Variants in MPP7 observed in about 807,000 individuals in gnomAD.
The protein encoded by MPP7 is MAGUK p55 subfamily member 7.
Under a neutral mutation model 76.5 loss-of-function variants are expected in MPP7, and 60 were observed. That is an observed-to-expected ratio of 0.78 (90% confidence interval 0.64 to 0.97). The LOEUF (loss-of-function observed/expected upper bound fraction) is 0.97, where lower values mean the gene tolerates loss of function less well. MPP7 is among the 50% of genes least tolerant of loss of function. The pLI, the probability that MPP7 is intolerant of heterozygous loss-of-function variation, is 0.00. For synonymous variants in MPP7, 237 were observed against 244.5 expected, an observed-to-expected ratio of 0.97 and a Z score of 0.29; for missense variants, 641 against 694.0, an observed-to-expected ratio of 0.92 and a Z score of 0.86.
intron 1 of MPP7, among the ~76,000 whole-genome samples, chr10:28,251,475 AAAAAT>A (rs1839611955): frequency 1.3e-5 from 2 of 152,330 alleles, no homozygotes; most frequent in Admixed American, 6.5e-5. Context: ...AAAAAATTAA[AAAAAT>A]AAAATAAAAT....
chr10:28,322,217 T>C (rs1323568250), intron 2 of MPP7, among the ~76,000 whole-genome samples: 1 of 151,996 alleles, frequency 6.6e-6, no homozygotes, highest in Non-Finnish European at 1.5e-5. Context: ...AGAGATCAAG[T>C]ACAGGTGGAG....
chr10:28,172,113 GAGA>G (rs1466695254), intron 3 of MPP7, among the ~76,000 whole-genome samples: 1 of 152,210 alleles, frequency 6.6e-6, no homozygotes. Flanking sequence ...TTGGCCTACG[GAGA>G]AGGACGATGT....
chr10:28,238,737 T>C lies in MPP7; in HGVS notation c.-131-2A>G, dbSNP rs1839164388. ...ATCTGTATATTTTGTAAGCCGTTTC[T>C]AGAAAGGAAAGAAACATTTATATTT... is the stretch of plus-strand genomic sequence containing the variant. On this transcript the variant is annotated splice_acceptor_variant, in intron 1 of 16. Coordinates refer to ENST00000683449, the MANE Select transcript of MPP7 (RefSeq NM_001318170.2). LOFTEE classifies it low-confidence loss of function (5UTR_SPLICE). The C allele has an allele frequency of 1.2e-6, 1 of 814,814 alleles. No individual in the cohort carries two copies. The highest frequency in any genetic ancestry group is 1.6e-5 in the South Asian group (1 of 62,006). 50.5% of individuals were successfully genotyped at this position (814,814 alleles called of 1,614,324 possible). A position where few individuals can be genotyped will look rare whatever the true frequency, so the allele number is the denominator to read the frequency against.
intron 1 of MPP7, among the ~76,000 whole-genome samples, chr10:28,245,102 T>C (rs560859380): frequency 6.6e-6 from 1 of 152,204 alleles, no homozygotes; most frequent in East Asian, 1.9e-4. Flanking sequence ...AAGTCTTGGC[T>C]AAATCTTCAA....
intron 2 of MPP7, among the ~76,000 whole-genome samples, chr10:28,222,596 G>A (rs1441022902): frequency 1.3e-5 from 2 of 152,142 alleles, no homozygotes; most frequent in African/African-American, 4.8e-5. Context: ...GTTCACGCCT[G>A]TAATCCCAGC....
At chr10:28,054,444 G>T (rs1851474504) in intron 16 of MPP7, among the ~76,000 whole-genome samples, 200 bp from the exon 17 acceptor site, 1 of 151,948 alleles carries the variant, frequency 6.6e-6, no homozygotes, top group African/African-American at 2.4e-5. Context: ...TGATTTGCTT[G>T]TAACAAAAAA....
At chr10:28,164,113 C>G (rs1367066295) in intron 3 of MPP7, among the ~76,000 whole-genome samples, 2 of 151,918 alleles carry the variant, frequency 1.3e-5, no homozygotes, top group Non-Finnish European at 1.5e-5. Context: ...AAAGAAAGAT[C>G]GAGACCGAAG....
chr10:28,257,687 T>C (rs546375908), intron 1 of MPP7, among the ~76,000 whole-genome samples: 1 of 150,528 alleles, frequency 6.6e-6, no homozygotes, highest in Non-Finnish European at 1.5e-5. Flanking sequence ...ATGGCACATG[T>C]ATACACATGT....
chr10:28,099,595 G>T (rs1194187853), intron 11 of MPP7, among the ~76,000 whole-genome samples: 2 of 151,946 alleles, frequency 1.3e-5, no homozygotes, highest in Non-Finnish European at 2.9e-5. Flanking sequence ...ACCTGAGGTC[G>T]GGAGTTCGAG....
intron 12 of MPP7, among the ~76,000 whole-genome samples, chr10:28,073,898 G>A (rs540624409): frequency 6.6e-6 from 1 of 152,152 alleles, no homozygotes; most frequent in African/African-American, 2.4e-5. Context: ...TTCAGAGCTT[G>A]GCTCAAACAG....
At chr10:28,293,268 C>T (rs1479933403) in intron 1 of MPP7, among the ~76,000 whole-genome samples, 1 of 152,134 alleles carries the variant, frequency 6.6e-6, no homozygotes, top group Non-Finnish European at 1.5e-5. Context: ...AAATGGCGAA[C>T]TCAACCGAGG....
At chr10:28,226,138 A>G (rs1838680511) in intron 2 of MPP7, among the ~76,000 whole-genome samples, 1 of 152,248 alleles carries the variant, frequency 6.6e-6, no homozygotes, top group Non-Finnish European at 1.5e-5. Flanking sequence ...GTCAGTGAAG[A>G]AAAAAGGCAA....
chr10:28,096,326 A>G (rs1432860146), intron 11 of MPP7, among the ~76,000 whole-genome samples: 1 of 152,180 alleles, frequency 6.6e-6, no homozygotes, highest in Non-Finnish European at 1.5e-5. Context: ...AAGGACTTCT[A>G]ATCTCTTCTT....
intron 3 of MPP7, among the ~76,000 whole-genome samples, chr10:28,169,154 T>G (rs953566607): frequency 6.6e-6 from 1 of 152,022 alleles, no homozygotes; most frequent in African/African-American, 2.4e-5. Context: ...GGTTGGCTTG[T>G]GGTGACACTT....
intron 2 of MPP7, among the ~76,000 whole-genome samples, chr10:28,206,893 T>C (rs529727400): frequency 9.2e-5 from 14 of 152,300 alleles, no homozygotes; most frequent in African/African-American, 3.4e-4. Flanking sequence ...AATAATTAAA[T>C]CTGGCTTAAA....
rs191087954 is a variant in MPP7, at chr10:28,124,769, C to T, written c.529+241G>A. On this transcript the variant is annotated intron_variant, in intron 7 of 16. Transcript: ENST00000683449. Reference sequence around the variant, plus strand: ...AAGTGCTGGGATTACAGGCGTGAGCCACCACGCCCGGCCCACAAGTTTTAA... The same window carrying T: ...AAGTGCTGGGATTACAGGCGTGAGCTACCACGCCCGGCCCACAAGTTTTAA... Among the ~76,000 whole-genome samples the T allele has an allele frequency of 3.9e-4, 59 of 152,254 alleles. 1 individual carries two copies. In the East Asian group the frequency reaches 0.011, roughly 28 times the overall value.
chr10:28,204,179 A>G (rs1837872250), intron 2 of MPP7, among the ~76,000 whole-genome samples: 1 of 152,196 alleles, frequency 6.6e-6, no homozygotes, highest in Non-Finnish European at 1.5e-5. Context: ...ATAATGGCTC[A>G]CGCCCATAAT....
At chr10:28,210,203 G>A (rs189390573) in intron 2 of MPP7, among the ~76,000 whole-genome samples, 2 of 152,018 alleles carry the variant, frequency 1.3e-5, no homozygotes, top group African/African-American at 2.4e-5. Context: ...TGGACTTCTC[G>A]ACCTCCATAA....
intron 5 of MPP7, among the ~76,000 whole-genome samples, chr10:28,146,160 T>C (rs1835696443): frequency 6.6e-6 from 1 of 152,224 alleles, no homozygotes; most frequent in Non-Finnish European, 1.5e-5. Flanking sequence ...GAACGTTCTG[T>C]GGCTAAAAAT....
Sources: gnomAD v4.1 joint callset for allele counts (sites outside exome capture counted in the v4.1 genomes callset) on GRCh38, gnomAD v4.1.1 for gene constraint, MANE v1.5 for transcripts, NCBI Gene and HGNC (gene_info 2026-07-23, HGNC 2026-07-21) for gene names.